Variants in METTL14 observed in about 807,000 individuals in gnomAD.
METTL14 encodes the protein N(6)-adenosine-methyltransferase non-catalytic subunit METTL14.
A neutral mutation model predicts 62.4 loss-of-function variants in METTL14; 32 were observed. That is an observed-to-expected ratio of 0.51 (90% CI 0.39 to 0.69). METTL14 has a LOEUF of 0.69. METTL14 is among the 30% of genes least tolerant of loss of function. METTL14 has a pLI of 0.00. For missense variants in METTL14, 340 were observed against 551.9 expected, an observed-to-expected ratio of 0.62 and a Z score of 3.85; for synonymous variants, 150 against 180.0, an observed-to-expected ratio of 0.83 and a Z score of 1.34.
At chr4:118,699,230 G>C (rs1291076397) in intron 7 of METTL14, among the ~76,000 whole-genome samples, 1 of 152,156 alleles carries the variant, frequency 6.6e-6, no homozygotes, top group Admixed American at 6.5e-5. Flanking sequence ...ATTTTTCCAA[G>C]ATTTACCTCT....
chr4:118,687,873 A>G, intron 1 of METTL14, 50 bp from the exon 2 acceptor site: 1 of 1,487,632 alleles, frequency 6.7e-7, no homozygotes, highest in Non-Finnish European at 9.3e-7. Context: ...AATGCCCAGA[A>G]AGGCTATCCA....
At chr4:118,706,632 T>C (rs546370777) in intron 10 of METTL14, among the ~76,000 whole-genome samples, 8 of 152,190 alleles carry the variant, frequency 5.3e-5, no homozygotes, top group Non-Finnish European at 1.2e-4. Flanking sequence ...ATGGTAAGAA[T>C]GTTTAATTTT....
chr4:118,686,890 C>G (rs571304494), intron 1 of METTL14, among the ~76,000 whole-genome samples: 2 of 152,118 alleles, frequency 1.3e-5, no homozygotes, highest in Non-Finnish European at 2.9e-5. Context: ...AGCCTTATAA[C>G]CATTATTTGT....
intron 3 of METTL14, among the ~76,000 whole-genome samples, chr4:118,690,566 G>A (rs1230917726): frequency 6.6e-6 from 1 of 151,868 alleles, no homozygotes; most frequent in Non-Finnish European, 1.5e-5. Context: ...TGTAATCCCA[G>A]CTACTTAGGT....
chr4:118,698,506 CTCTT>C (rs1480001087), intron 7 of METTL14, among the ~76,000 whole-genome samples: 1 of 148,720 alleles, frequency 6.7e-6, no homozygotes, highest in African/African-American at 2.5e-5. Context: ...AATTAGAAGA[CTCTT>C]TCTTAGAGTA....
At position 118,713,382 on chromosome 4, in the gene METTL14, T is replaced by C. The variant is rs2110414270; in HGVS notation, c.*3080T>C. 6.6e-6 allele frequency: 1 copy of C among 152,354 alleles called. No homozygotes were observed. The highest frequency in any genetic ancestry group is 3.4e-3 in the Middle Eastern group (1 of 294). 9.4% of individuals were successfully genotyped at this position (152,354 alleles called of 1,614,324 possible). Reference sequence around the variant, plus strand: ...TTAAAATACTTTCTACCCATCTTAATTGCTAAATTATCTTTCAGTTAGTTA... The same window carrying C: ...TTAAAATACTTTCTACCCATCTTAACTGCTAAATTATCTTTCAGTTAGTTA... On this transcript the variant is annotated 3_prime_UTR_variant, in exon 11 of 11. Transcript: ENST00000388822.
chr4:118,687,971 G>T lies in METTL14; in HGVS notation c.115G>T (p.Asp39Tyr). The T allele has an allele frequency of 6.2e-7, 1 of 1,613,670 alleles. No homozygotes were observed. The highest frequency in any genetic ancestry group is 8.5e-7 in the Non-Finnish European group (1 of 1,179,884). The change falls in exon 2 of 11, where the codon GAT becomes TAT. Residue 39 changes from aspartate (D) to tyrosine (Y), a missense_variant. Coordinates refer to ENST00000388822, the MANE Select transcript of METTL14 (RefSeq NM_020961.4). ...DSIGAVLNSKDEQREIAETRE... is the reference protein window; with the variant it reads ...DSIGAVLNSKYEQREIAETRE... ...CATTGGTGCCGTGTTAAATAGCAAA[G>T]ATGAGCAGAGAGAAATTGCTGAAAC...
rs573757456 is a variant in METTL14 at position 118,708,006 on chromosome 4, A to C, written c.1067-1992A>C. ...CACCTGGCTAATTTTTTGTATTTTT[A>C]GTAGAGATGATGTTTCACCATGTTG... On this transcript the variant is annotated intron_variant, in intron 10 of 10. Transcript: ENST00000388822. Among the ~76,000 whole-genome samples, 10 of 152,066 alleles carry C rather than the reference A, an allele frequency of 6.6e-5. No homozygotes were observed. In the South Asian group the frequency reaches 2.1e-3, roughly 32 times the overall value.
At chr4:118,702,758 A>T (rs1445507518) in intron 8 of METTL14, among the ~76,000 whole-genome samples, 1 of 151,504 alleles carries the variant, frequency 6.6e-6, no homozygotes, top group African/African-American at 2.4e-5. Context: ...CCTAGGTGAG[A>T]CTCCATCTCA....
chr4:118,688,700 A>G (rs1004934919), intron 2 of METTL14, among the ~76,000 whole-genome samples: 1 of 152,126 alleles, frequency 6.6e-6, no homozygotes, highest in Non-Finnish European at 1.5e-5. Flanking sequence ...TTGGAAATAG[A>G]GTCTCGCTCT....
At chr4:118,708,072 G>T (rs963652029) in intron 10 of METTL14, among the ~76,000 whole-genome samples, 2 of 152,004 alleles carry the variant, frequency 1.3e-5, no homozygotes, top group Non-Finnish European at 2.9e-5. Context: ...GTGATCGCCC[G>T]CCTTGGCCTC....
At chr4:118,694,347 T>A (rs1301407741) in intron 5 of METTL14, 89 bp from the exon 6 acceptor site, 2 of 900,628 alleles carry the variant, frequency 2.2e-6, no homozygotes, top group Non-Finnish European at 3.5e-6. Context: ...GTGTATTATT[T>A]TGTTTTCTTG....
chr4:118,685,688 C>A, intron 1 of METTL14, 88 bp downstream of exon 1: 1 of 1,093,450 alleles, frequency 9.1e-7, no homozygotes, highest in Non-Finnish European at 1.4e-6. Context: ...TTTTTCTGTC[C>A]CTTCTCTACC....
intron 5 of METTL14, among the ~76,000 whole-genome samples, 153 bp downstream of exon 5, chr4:118,692,221 C>CT (rs1468870120): frequency 7.6e-6 from 1 of 132,248 alleles, no homozygotes; most frequent in Non-Finnish European, 1.7e-5. Flanking sequence ...TTTTTCTTTT[C>CT]TTTTCTTTTT....
intron 9 of METTL14, 126 bp downstream of exon 9, chr4:118,704,177 T>C: frequency 1.6e-6 from 1 of 625,172 alleles, no homozygotes; most frequent in Non-Finnish European, 2.8e-6. Context: ...AAAGACAGCA[T>C]TGAGCATTAC....
intron 8 of METTL14, 63 bp downstream of exon 8, chr4:118,700,705 T>C: frequency 8.8e-7 from 1 of 1,137,140 alleles, no homozygotes; most frequent in Non-Finnish European, 1.3e-6. Flanking sequence ...AACAGTATGT[T>C]GCATAGGATG....
chr4:118,688,234 C>T (rs540258594), intron 2 of METTL14, among the ~76,000 whole-genome samples: 3 of 152,046 alleles, frequency 2.0e-5, no homozygotes, highest in South Asian at 4.1e-4. Context: ...GTCGGGAGTT[C>T]GAGGCCAGTC....
Position 118,689,387 on chromosome 4 carries a change from C to G in METTL14, c.173C>G (p.Ser58Cys). Residue 58 changes from serine (S) to cysteine (C), a missense_variant, in exon 3 of 11, where the codon TCT (serine) becomes TGT (cysteine). Transcript: ENST00000388822. ...TTTTTCAGGGCTTCCTATGATACCT[C>G]TGCTCCAAATGCAAAACGTAAGTAT... Reference protein sequence around the residue: ...RETCRASYDTSAPNAKRKYLD... With the variant: ...RETCRASYDTCAPNAKRKYLD... 1 of 1,601,130 alleles carries G rather than the reference C, an allele frequency of 6.2e-7. No individual in the cohort carries two copies. The highest frequency in any genetic ancestry group is 1.1e-5 in the South Asian group (1 of 88,880).
intron 2 of METTL14, among the ~76,000 whole-genome samples, chr4:118,689,039 A>T (rs1210110277): frequency 6.6e-6 from 1 of 152,206 alleles, no homozygotes; most frequent in African/African-American, 2.4e-5. Context: ...TTCAGAAAGC[A>T]TTTCAAAATT....
Sources: gnomAD v4.1 joint callset for allele counts (sites outside exome capture counted in the v4.1 genomes callset) on GRCh38, gnomAD v4.1.1 for gene constraint, MANE v1.5 for transcripts, NCBI Gene and HGNC (gene_info 2026-07-23, HGNC 2026-07-21) for gene names.